The following VEGFC variants were observed in gnomAD, a reference collection of about 807,000 sequenced individuals.
VEGFC encodes vascular endothelial growth factor C, also known as FLT4 ligand DHM.
A neutral mutation model predicts 46.1 loss-of-function variants in VEGFC; 12 were observed. The observed-to-expected ratio is 0.26, with a 90% CI of 0.17 to 0.42. VEGFC has a LOEUF of 0.42. Among genes scored for constraint, VEGFC ranks in the 10% least tolerant of loss-of-function variants. The pLI is 1.00. For synonymous variants in VEGFC, 232 were observed against 195.5 expected (o/e 1.19, Z -1.56); for missense variants, 488 against 529.4 (o/e 0.92, Z 0.77).
chr4:176,690,237 T>G (rs1297298534), intron 4 of VEGFC, among the ~76,000 whole-genome samples: 3 of 152,198 alleles, frequency 2.0e-5, no homozygotes, highest in African/African-American at 7.2e-5. Flanking sequence ...ATGTTCTTAC[T>G]TTTGAGAATG....
At chr4:176,790,799 G>A (rs886267760) in intron 1 of VEGFC, among the ~76,000 whole-genome samples, 20 of 152,114 alleles carry the variant, frequency 1.3e-4, no homozygotes, top group African/African-American at 4.6e-4. Flanking sequence ...TTATTGAGCC[G>A]ATTATTACAT....
chr4:176,759,735 A>G (rs916953527), intron 1 of VEGFC, among the ~76,000 whole-genome samples: 12 of 64,190 alleles, frequency 1.9e-4, no homozygotes, highest in African/African-American at 2.9e-4. Context: ...CATTTTTAAA[A>G]AGTAAAAAAA....
At position 176,783,620 on chromosome 4, in the gene VEGFC, G is replaced by A. The variant is rs539456152; in HGVS notation, c.147+8545C>T. On this transcript the variant is annotated intron_variant, in intron 1 of 6. Coordinates refer to ENST00000618562, the MANE Select transcript of VEGFC (RefSeq NM_005429.5). Reference sequence around the variant, plus strand: ...ACCTAAGTATGAATGAAGCACATAAGGAGACAGCATCATCCCAGATTCTTT... The same window carrying A: ...ACCTAAGTATGAATGAAGCACATAAAGAGACAGCATCATCCCAGATTCTTT... 2.6e-5 allele frequency among the ~76,000 whole-genome samples: 4 copies of A among 152,274 alleles called. No individual in the cohort carries two copies. In the East Asian group the frequency reaches 7.7e-4, roughly 29 times the overall value.
chr4:176,740,777 C>G (rs1054209959), intron 1 of VEGFC, among the ~76,000 whole-genome samples: 8 of 151,530 alleles, frequency 5.3e-5, no homozygotes, highest in Non-Finnish European at 7.4e-5. Context: ...TAAGCAAAGA[C>G]AAAAATCACA....
rs1240998375 is a variant in VEGFC, at chr4:176,687,357, G to A, written c.975C>T (p.Pro325=). Residue 325 remains proline (P), a synonymous_variant, in exon 6 of 7, where the codon CCC becomes CCT. Coordinates refer to ENST00000618562, the MANE Select transcript of VEGFC (RefSeq NM_005429.5). ...CQCVCKNKLF[P]SQCGANREFD... ...ATTCTCGGTTGGCCCCACATTGGCT[G>A]GGGAAGAGTTTGTTTTTACAGACAC... 5.6e-6 allele frequency: 9 copies of A among 1,613,970 alleles called. No homozygotes were observed. Among genetic ancestry groups the A allele is most frequent in the Non-Finnish European group, 7.6e-6 (9 of 1,180,024 alleles).
At chr4:176,734,954 T>C (rs561425066) in intron 1 of VEGFC, among the ~76,000 whole-genome samples, 1 of 151,936 alleles carries the variant, frequency 6.6e-6, no homozygotes, top group East Asian at 1.9e-4. Context: ...CATTTTTTTT[T>C]TCTTTTTACC....
intron 3 of VEGFC, among the ~76,000 whole-genome samples, chr4:176,711,937 A>C (rs569690147): frequency 7.2e-4 from 110 of 152,270 alleles, no homozygotes; most frequent in Non-Finnish European, 1.3e-3. Flanking sequence ...GACGTGACAG[A>C]ACAATGTGTT....
At chr4:176,775,826 T>G (rs971730363) in intron 1 of VEGFC, among the ~76,000 whole-genome samples, 8 of 152,172 alleles carry the variant, frequency 5.3e-5, no homozygotes, top group Non-Finnish European at 1.5e-5. Context: ...CTCAGTTCTT[T>G]CTAGTTACCA....
Position 176,727,903 on chromosome 4 carries a change from C to T in VEGFC, c.427G>A (p.Glu143Lys), listed in dbSNP as rs746861970. ...AAGGTGTTTGTCGCGACTCCAAACT[C>T]CTTCCCCACATCTATACACACCTCC... ...PREVCIDVGKEFGVATNTFFK... is the reference protein window; with the variant it reads ...PREVCIDVGKKFGVATNTFFK... The change falls in exon 3 of 7, where the codon GAG (glutamate) becomes AAG (lysine). Residue 143 changes from glutamate to lysine, a missense_variant. Glu to Lys is a moderately conservative substitution (Grantham distance 56). Transcript: ENST00000618562. 6.2e-7 allele frequency: 1 copy of T among 1,613,890 alleles called. No homozygotes were observed. The highest frequency in any genetic ancestry group is 8.5e-7 in the Non-Finnish European group (1 of 1,179,906).
In VEGFC at chr4:176,692,596, C is replaced by G. The variant is rs1462351430; in HGVS notation, c.705-4669G>C. On this transcript the variant is annotated intron_variant, in intron 4 of 6. Transcript: ENST00000618562. ...GGCTTGATTAGGTAAACAAAGCAGC[C>G]GGGAAGCTCGAACTGGGTGGAGCCC... is the stretch of plus-strand genomic sequence containing the variant. 5.9e-5 allele frequency among the ~76,000 whole-genome samples: 8 copies of G among 135,742 alleles called. 2 individuals carry two copies. Among genetic ancestry groups the G allele is most frequent in the Admixed American group, 1.4e-4 (2 of 14,186 alleles). The allele number at this position is 135,742 out of a possible 152,430, so 89.1% of individuals were successfully genotyped here. A position where few individuals can be genotyped will look rare whatever the true frequency, so the allele number is the denominator to read the frequency against.
intron 2 of VEGFC, among the ~76,000 whole-genome samples, chr4:176,728,511 A>G (rs1378994418): frequency 2.0e-5 from 3 of 152,176 alleles, no homozygotes; most frequent in Non-Finnish European, 4.4e-5. Context: ...CATAAAATAC[A>G]AGGCTATTTT....
At chr4:176,713,555 G>A (rs926128234) in intron 3 of VEGFC, among the ~76,000 whole-genome samples, 29 of 152,220 alleles carry the variant, frequency 1.9e-4, no homozygotes, top group Non-Finnish European at 7.4e-5. Flanking sequence ...GTAGGAAGGT[G>A]TACCTAAGAA....
At chr4:176,721,549 G>A (rs1734786625) in intron 3 of VEGFC, among the ~76,000 whole-genome samples, 1 of 152,212 alleles carries the variant, frequency 6.6e-6, no homozygotes, top group Non-Finnish European at 1.5e-5. Context: ...ATGTGACCTA[G>A]ATCAGAGCGG....
At chr4:176,774,481 T>A (rs1331071468) in intron 1 of VEGFC, among the ~76,000 whole-genome samples, 1 of 152,190 alleles carries the variant, frequency 6.6e-6, no homozygotes, top group Non-Finnish European at 1.5e-5. Flanking sequence ...AGTCTATGTG[T>A]TTGGAGTCTG....
chr4:176,701,117 CAT>C lies in VEGFC; in HGVS notation c.704+10380_704+10381del, dbSNP rs548720812. On this transcript the variant is annotated intron_variant, in intron 4 of 6. Coordinates refer to ENST00000618562, the MANE Select transcript of VEGFC (RefSeq NM_005429.5). ...AGCTATGGATTTTAGTTAACGATCA[CAT>C]GTCAGTATCGGCTCCTCAACTGTTA... Among the ~76,000 whole-genome samples the C allele has an allele frequency of 4.6e-5, 7 of 152,302 alleles. No homozygotes were observed. The South Asian group carries it at 1.2e-3, about 27-fold the overall frequency.
At chr4:176,768,489 T>TAC (rs1735667151) in intron 1 of VEGFC, among the ~76,000 whole-genome samples, 1 of 114,556 alleles carries the variant, frequency 8.7e-6, no homozygotes, top group African/African-American at 3.2e-5. Flanking sequence ...GGATGTTTTA[T>TAC]ACATATATAT....
chr4:176,792,119 C>T lies in VEGFC; in HGVS notation c.147+46G>A. 1 of 1,428,816 alleles carries T rather than the reference C, an allele frequency of 7.0e-7. No homozygotes were observed. Among genetic ancestry groups the T allele is most frequent in the South Asian group, 1.6e-5 (1 of 62,362 alleles). 88.5% of individuals were successfully genotyped at this position (1,428,816 alleles called of 1,614,324 possible). ...CAGGTTCTCGGGTCCGCCGCAGACC[C>T]TAACGCAAACTCTCGGGTTCTCCGC... On this transcript the variant is annotated intron_variant, in intron 1 of 6. Coordinates refer to ENST00000618562, the MANE Select transcript of VEGFC (RefSeq NM_005429.5). The surrounding 1 kb of genome is among the most constrained non-coding windows in gnomAD (Gnocchi z 6.3).
intron 3 of VEGFC, among the ~76,000 whole-genome samples, chr4:176,726,434 A>G (rs1475399177): frequency 6.6e-6 from 1 of 151,974 alleles, no homozygotes; most frequent in Admixed American, 6.6e-5. Context: ...TAACCTTTAG[A>G]GTTGAGGCAG....
chr4:176,731,614 T>C (rs946893638), intron 1 of VEGFC, among the ~76,000 whole-genome samples: 9 of 151,828 alleles, frequency 5.9e-5, no homozygotes, highest in Admixed American at 2.6e-4. Flanking sequence ...CTGTGTGTGA[T>C]TGGAAGGTTC....
Sources: gnomAD v4.1 joint callset for allele counts (sites outside exome capture counted in the v4.1 genomes callset) on GRCh38, gnomAD v4.1.1 for gene constraint, Gnocchi (gnomAD v3.1) non-coding constraint, MANE v1.5 for transcripts, NCBI Gene and HGNC (gene_info 2026-07-23, HGNC 2026-07-21) for gene names.